PIK3C3: variants seen among roughly 807,000 people sequenced by gnomAD.
PIK3C3 encodes PI3-kinase type 3.
Under a neutral mutation model 126.1 loss-of-function variants are expected in PIK3C3, and 95 were observed. That is an observed-to-expected ratio of 0.75 (90% CI 0.64 to 0.89). PIK3C3 has a LOEUF of 0.89. Ranked by LOEUF, PIK3C3 falls within the 40% of genes least tolerant of loss-of-function variation. The pLI is 0.00. For synonymous variants in PIK3C3, 374 were observed against 360.0 expected (o/e 1.04, Z -0.44); for missense variants, 829 against 1,063.2 (o/e 0.78, Z 3.06).
At chr18:42,076,222 G>GCA (rs769813250) in intron 24 of PIK3C3, among the ~76,000 whole-genome samples, 15 of 130,098 alleles carry the variant, frequency 1.2e-4, no homozygotes, top group Admixed American at 4.8e-4. Flanking sequence ...ATATATATAT[G>GCA]CATATATATA....
chr18:42,002,468 C>T (rs761766669), intron 9 of PIK3C3, among the ~76,000 whole-genome samples: 5 of 152,030 alleles, frequency 3.3e-5, no homozygotes, highest in African/African-American at 9.7e-5. Context: ...TTGTCCACAT[C>T]GTATGGGGCT....
chr18:42,033,984 A>G (rs1292751647), intron 16 of PIK3C3, 27 bp downstream of exon 16: 2 of 1,518,270 alleles, frequency 1.3e-6, no homozygotes, highest in South Asian at 1.3e-5. Flanking sequence ...TTTAATGTGT[A>G]TGATTGGAAC....
At chr18:42,036,585 TTA>T (rs1984062418) in intron 16 of PIK3C3, among the ~76,000 whole-genome samples, 1 of 152,042 alleles carries the variant, frequency 6.6e-6, no homozygotes, top group Admixed American at 6.6e-5. Flanking sequence ...GCATGCCACT[TTA>T]TGTGAGGTTT....
At chr18:42,073,644 G>A (rs1423351628) in intron 24 of PIK3C3, among the ~76,000 whole-genome samples, 1 of 151,982 alleles carries the variant, frequency 6.6e-6, no homozygotes, top group Non-Finnish European at 1.5e-5. Flanking sequence ...CATTGCTGAG[G>A]GAAAAGCTTC....
intron 22 of PIK3C3, among the ~76,000 whole-genome samples, chr18:42,061,720 A>T (rs1985323953): frequency 6.6e-6 from 1 of 152,218 alleles, no homozygotes; most frequent in South Asian, 2.1e-4. Context: ...GATGTAAAAG[A>T]TTAATACCAA....
intron 21 of PIK3C3, 90 bp downstream of exon 21, chr18:42,049,695 C>T: frequency 9.3e-7 from 1 of 1,075,880 alleles, no homozygotes; most frequent in Non-Finnish European, 1.4e-6. Context: ...AAGTTGCGGC[C>T]TGGCGCGGTG....
chr18:42,024,960 T>TCAC (rs1983492926), intron 13 of PIK3C3, among the ~76,000 whole-genome samples: 1 of 151,938 alleles, frequency 6.6e-6, no homozygotes, highest in African/African-American at 2.4e-5. Context: ...CCCGCCACTG[T>TCAC]GCCCGGCTAA....
intron 13 of PIK3C3, among the ~76,000 whole-genome samples, chr18:42,021,552 C>T (rs541107677): frequency 1.3e-5 from 2 of 152,186 alleles, no homozygotes; most frequent in Non-Finnish European, 2.9e-5. Context: ...GCCTTCTTTA[C>T]CTTTGGGAGA....
intron 13 of PIK3C3, among the ~76,000 whole-genome samples, chr18:42,025,034 G>C (rs879109095): frequency 7.9e-5 from 12 of 151,402 alleles, no homozygotes; most frequent in African/African-American, 2.7e-4. Context: ...GGATGGTCTC[G>C]ATCTCCTGAC....
In PIK3C3 at chr18:42,039,380, A is replaced by G. The variant is rs543113510; in HGVS notation, c.2038+530A>G. Among the ~76,000 whole-genome samples, 4 of 152,316 alleles carry G rather than the reference A, an allele frequency of 2.6e-5. No homozygotes were observed. The South Asian group carries it at 8.3e-4, about 32-fold the overall frequency. On this transcript the variant is annotated intron_variant, in intron 18 of 24. Coordinates refer to ENST00000262039, the MANE Select transcript of PIK3C3 (RefSeq NM_002647.4). Reference sequence around the variant, plus strand: ...TTTCTTCTCAGAATGATATTTTAAAAAGTGCAAATGTGCATCTTTACAATC... The same window carrying G: ...TTTCTTCTCAGAATGATATTTTAAAGAGTGCAAATGTGCATCTTTACAATC...
intron 12 of PIK3C3, among the ~76,000 whole-genome samples, chr18:42,017,713 T>C: frequency 6.6e-6 from 1 of 152,106 alleles, no homozygotes; most frequent in East Asian, 1.9e-4. Context: ...TTTTGTCTGA[T>C]GTTAATAGAG....
chr18:41,957,789 C>A (rs758034652), intron 2 of PIK3C3, 31 bp downstream of exon 2: 22 of 1,533,746 alleles, frequency 1.4e-5, no homozygotes, highest in Non-Finnish European at 2.0e-5. Flanking sequence ...TGGTATGTTA[C>A]AGACTGTTCT....
intron 6 of PIK3C3, 76 bp downstream of exon 6, chr18:41,990,630 C>G (rs1568125178): frequency 2.6e-6 from 2 of 774,250 alleles, no homozygotes; most frequent in Non-Finnish European, 4.4e-6. Flanking sequence ...GTTGTTCCTG[C>G]TGGGATGAAT....
At chr18:41,975,787 C>T (rs1214367339) in intron 4 of PIK3C3, among the ~76,000 whole-genome samples, 1 of 151,788 alleles carries the variant, frequency 6.6e-6, no homozygotes, top group Admixed American at 6.6e-5. Flanking sequence ...GCAAGCTCCA[C>T]CTCCCAAGTT....
intron 4 of PIK3C3, among the ~76,000 whole-genome samples, chr18:41,984,530 A>C (rs957289811): frequency 2.0e-5 from 3 of 152,208 alleles, no homozygotes; most frequent in African/African-American, 7.2e-5. Context: ...TATGGTTTGA[A>C]GAGCCAGAAG....
intron 15 of PIK3C3, among the ~76,000 whole-genome samples, chr18:42,032,012 TA>T (rs1567992207): frequency 6.6e-6 from 1 of 152,054 alleles, no homozygotes; most frequent in Non-Finnish European, 1.5e-5. Flanking sequence ...TGGAGAAAAA[TA>T]AAACAGGAAG....
intron 13 of PIK3C3, among the ~76,000 whole-genome samples, chr18:42,021,832 G>C (rs945795098): frequency 1.3e-5 from 2 of 152,086 alleles, no homozygotes; most frequent in African/African-American, 4.8e-5. Context: ...TGAATTTTTG[G>C]ATTTAAGGTG....
At chr18:42,039,133 A>G (rs1475664706) in intron 18 of PIK3C3, among the ~76,000 whole-genome samples, 2 of 152,074 alleles carry the variant, frequency 1.3e-5, no homozygotes, top group Non-Finnish European at 2.9e-5. Context: ...ACACACCCTC[A>G]CACACACAAA....
chr18:42,068,340 C>CT (rs1985626336), intron 24 of PIK3C3, among the ~76,000 whole-genome samples: 1 of 152,178 alleles, frequency 6.6e-6, no homozygotes, highest in African/African-American at 2.4e-5. Context: ...TTCTATGCTG[C>CT]TTTTCAAGCT....
Sources: allele counts gnomAD v4.1 joint callset (sites outside exome capture counted in the v4.1 genomes callset), GRCh38; gene constraint gnomAD v4.1.1; transcripts MANE v1.5; gene names NCBI Gene and HGNC (gene_info 2026-07-23, HGNC 2026-07-21).